Variants in QTMAN observed in about 807,000 individuals in gnomAD.
QTMAN encodes queuosine-tRNA mannosyltransferase, also known as tRNA-queuosine alpha-mannosyltransferase.
chr2:144,058,254 T>A, the QTMAN span, among the ~76,000 whole-genome samples: 1 of 151,994 alleles, frequency 6.6e-6, no homozygotes, highest in Non-Finnish European at 1.5e-5. Flanking sequence ...AACTCTGATG[T>A]TCCACAAGGC....
At chr2:144,321,227 A>G in the QTMAN span, among the ~76,000 whole-genome samples, 9 of 152,304 alleles carry the variant, frequency 5.9e-5, no homozygotes, top group African/African-American at 1.9e-4. Context: ...TGGGATGCCC[A>G]AGATATCTGT....
At chr2:144,252,278 G>A in the QTMAN span, among the ~76,000 whole-genome samples, 1 of 152,040 alleles carries the variant, frequency 6.6e-6, no homozygotes, top group Non-Finnish European at 1.5e-5. Flanking sequence ...GGGAAGCAGA[G>A]GCAAAAGAAT....
At chr2:143,946,890 C>A in the QTMAN span, 1 of 569,792 alleles carries the variant, frequency 1.8e-6, no homozygotes, top group South Asian at 2.4e-5. Context: ...CTGAAGCCGC[C>A]ACAGGTTTGT....
At chr2:144,181,834 T>TA in the QTMAN span, among the ~76,000 whole-genome samples, 13 of 151,958 alleles carry the variant, frequency 8.6e-5, no homozygotes, top group Non-Finnish European at 1.8e-4. Context: ...AATCAATAAA[T>TA]AAAAAATAAC....
chr2:144,070,591 A>G, the QTMAN span, among the ~76,000 whole-genome samples: 1 of 152,190 alleles, frequency 6.6e-6, no homozygotes, highest in Non-Finnish European at 1.5e-5. Flanking sequence ...AAAAAATACC[A>G]AGCACAAAAC....
the QTMAN span, among the ~76,000 whole-genome samples, chr2:144,028,839 T>G: frequency 6.6e-6 from 1 of 152,230 alleles, no homozygotes; most frequent in African/African-American, 2.4e-5. Context: ...ACTTGTATTT[T>G]GCTTGCAACA....
At chr2:144,050,986 T>A in the QTMAN span, among the ~76,000 whole-genome samples, 1 of 152,238 alleles carries the variant, frequency 6.6e-6, no homozygotes, top group South Asian at 2.1e-4. Context: ...GAAAGTCAAC[T>A]GTAAATGTGA....
the QTMAN span, among the ~76,000 whole-genome samples, chr2:144,248,554 C>T: frequency 6.6e-6 from 1 of 152,188 alleles, no homozygotes; most frequent in South Asian, 2.1e-4. Context: ...ACTATCAGCA[C>T]AGCTGCACAA....
the QTMAN span, among the ~76,000 whole-genome samples, chr2:144,314,779 TG>T: frequency 6.6e-6 from 1 of 152,226 alleles, no homozygotes; most frequent in East Asian, 1.9e-4. Flanking sequence ...TTCTATTTTT[TG>T]AAAGTGGGAT....
the QTMAN span, among the ~76,000 whole-genome samples, chr2:144,189,312 C>T: frequency 6.6e-6 from 1 of 152,148 alleles, no homozygotes; most frequent in African/African-American, 2.4e-5. Context: ...AATATAAATA[C>T]TGATGCCCAA....
chr2:144,069,106 A>T, the QTMAN span, among the ~76,000 whole-genome samples: 1 of 152,104 alleles, frequency 6.6e-6, no homozygotes, highest in African/African-American at 2.4e-5. Context: ...TTAAGTATAG[A>T]AATGCTCAAC....
At chr2:144,311,792 C>T in the QTMAN span, among the ~76,000 whole-genome samples, 1 of 152,196 alleles carries the variant, frequency 6.6e-6, no homozygotes, top group African/African-American at 2.4e-5. Flanking sequence ...ATTTAAAGTA[C>T]CTATGTCATT....
chr2:144,307,508 C>T, the QTMAN span, among the ~76,000 whole-genome samples: 1 of 152,116 alleles, frequency 6.6e-6, no homozygotes, highest in African/African-American at 2.4e-5. Context: ...CTCATCTGTG[C>T]TGTAGAAAAA....
At chr2:144,118,418 A>T in the QTMAN span, among the ~76,000 whole-genome samples, 1 of 152,190 alleles carries the variant, frequency 6.6e-6, no homozygotes, top group African/African-American at 2.4e-5. Context: ...CCAAAAAGCT[A>T]AGTATCTCTC....
chr2:144,301,330 C>T, the QTMAN span, among the ~76,000 whole-genome samples: 1 of 152,146 alleles, frequency 6.6e-6, no homozygotes, highest in Non-Finnish European at 1.5e-5. Flanking sequence ...GCAAGTGATT[C>T]TCCTGCCTCA....
the QTMAN span, among the ~76,000 whole-genome samples, chr2:144,237,776 G>A: frequency 5.3e-5 from 8 of 152,122 alleles, no homozygotes; most frequent in Non-Finnish European, 1.0e-4. Context: ...TGGTCTGAGT[G>A]ATCAACAGAA....
chr2:144,222,749 A>C, the QTMAN span, among the ~76,000 whole-genome samples: 1 of 152,142 alleles, frequency 6.6e-6, no homozygotes, highest in Non-Finnish European at 1.5e-5. Flanking sequence ...CAGAGCTTGC[A>C]GTGAGCTGAG....
At chr2:144,309,889 T>C in the QTMAN span, among the ~76,000 whole-genome samples, 11 of 152,234 alleles carry the variant, frequency 7.2e-5, no homozygotes, top group African/African-American at 2.7e-4. Flanking sequence ...TCTTTCATTG[T>C]CTTTTATCAT....
the QTMAN span, among the ~76,000 whole-genome samples, chr2:144,207,184 C>T: frequency 1.4e-4 from 21 of 152,198 alleles, no homozygotes; most frequent in African/African-American, 5.1e-4. Flanking sequence ...AAGAAGGATA[C>T]ACTTTAAATT....
Sources: gnomAD v4.1 joint callset for allele counts (sites outside exome capture counted in the v4.1 genomes callset) on GRCh38, gnomAD v4.1.1 for gene constraint, MANE v1.5 for transcripts, NCBI Gene and HGNC (gene_info 2026-07-23, HGNC 2026-07-21) for gene names.